Variants in PIGK observed in about 807,000 individuals in gnomAD.
PIGK encodes GPI-anchor transamidase.
PIGK carries 42 observed loss-of-function variants against 50.6 expected under a neutral mutation model. That is an observed-to-expected ratio of 0.83 (90% CI 0.65 to 1.07). The LOEUF (loss-of-function observed/expected upper bound fraction) is 1.07. PIGK is among the 50% of genes least tolerant of loss of function. The pLI, the probability that PIGK is intolerant of heterozygous loss-of-function variation, is 0.00. For missense variants in PIGK, 448 were observed against 488.7 expected (o/e 0.92, Z 0.78); for synonymous variants, 151 against 156.0 (o/e 0.97, Z 0.24).
At chr1:77,197,806 T>C (rs1007406975) in intron 3 of PIGK, among the ~76,000 whole-genome samples, 2 of 152,176 alleles carry the variant, frequency 1.3e-5, no homozygotes, top group Non-Finnish European at 1.5e-5. Flanking sequence ...TATTCTTATG[T>C]TTACACAATC....
At chr1:77,186,142 A>T (rs1258029613) in intron 3 of PIGK, among the ~76,000 whole-genome samples, 3 of 152,070 alleles carry the variant, frequency 2.0e-5, no homozygotes, top group Non-Finnish European at 4.4e-5. Context: ...TATGGTCTCC[A>T]CTCTTGCCAC....
intron 9 of PIGK, among the ~76,000 whole-genome samples, chr1:77,124,091 T>C (rs1282031731): frequency 6.6e-6 from 1 of 152,124 alleles, no homozygotes; most frequent in Non-Finnish European, 1.5e-5. Flanking sequence ...GCTGACATCA[T>C]CTAGCCTCCA....
intron 3 of PIGK, among the ~76,000 whole-genome samples, chr1:77,191,005 C>A (rs1557819470): frequency 6.6e-6 from 1 of 152,310 alleles, no homozygotes; most frequent in East Asian, 1.9e-4. Flanking sequence ...AAAATCAGTA[C>A]AGCGTTGACA....
intron 3 of PIGK, among the ~76,000 whole-genome samples, chr1:77,203,945 T>C (rs1177843149): frequency 6.6e-6 from 1 of 152,200 alleles, no homozygotes; most frequent in African/African-American, 2.4e-5. Context: ...ATGATTGTGC[T>C]ATCTGCACAA....
chr1:77,197,137 CAGG>C (rs910505974), intron 3 of PIGK, among the ~76,000 whole-genome samples: 14 of 152,060 alleles, frequency 9.2e-5, no homozygotes, highest in African/African-American at 3.4e-4. Context: ...TAGGCTGATT[CAGG>C]AGATTATATA....
chr1:77,184,293 A>G (rs1266316), intron 3 of PIGK, among the ~76,000 whole-genome samples: 26,572 of 152,034 alleles, frequency 0.17, 3,973 homozygotes, highest in African/African-American at 0.41. Context: ...TCAAATGGAC[A>G]AAAGACTGAT....
At chr1:77,174,482 G>A (rs927608866) in intron 3 of PIGK, among the ~76,000 whole-genome samples, 14 of 152,236 alleles carry the variant, frequency 9.2e-5, no homozygotes, top group South Asian at 2.1e-4. Flanking sequence ...TGATGTTTCC[G>A]ACTTTGGGGA....
In PIGK at chr1:77,161,713, T is replaced by A; in HGVS notation, c.585-2A>T. 8.0e-7 allele frequency: 1 copy of A among 1,245,268 alleles called. No homozygotes were observed. Among genetic ancestry groups the A allele is most frequent in the Non-Finnish European group, 1.2e-6 (1 of 845,798 alleles). 77.1% of individuals were successfully genotyped at this position (1,245,268 alleles called of 1,614,324 possible). The stretch of plus-strand genomic sequence containing the variant: ...ATAATAAACAGTAGCTCATTGTAGC[T>A]GAAAGAAAAATGATAACATCTTTGA... On this transcript the variant is annotated splice_acceptor_variant, in intron 6 of 10. Coordinates refer to ENST00000370812, the MANE Select transcript of PIGK (RefSeq NM_005482.3). LOFTEE classifies it high-confidence loss of function.
chr1:77,159,340 A>C (rs996182160), intron 8 of PIGK, among the ~76,000 whole-genome samples: 2 of 152,160 alleles, frequency 1.3e-5, no homozygotes, highest in Non-Finnish European at 2.9e-5. Context: ...CTGCAGGGGC[A>C]GGCCCTCATG....
chr1:77,152,451 T>C (rs925034093), intron 9 of PIGK, among the ~76,000 whole-genome samples: 1 of 152,002 alleles, frequency 6.6e-6, no homozygotes, highest in African/African-American at 2.4e-5. Flanking sequence ...CAGAAATTTT[T>C]TAGGTAAAAC....
At chr1:77,153,179 C>G (rs1036131265) in intron 9 of PIGK, among the ~76,000 whole-genome samples, 8 of 151,896 alleles carry the variant, frequency 5.3e-5, no homozygotes, top group African/African-American at 1.9e-4. Context: ...TATTCAGCCA[C>G]AAAAAAGAAT....
intron 3 of PIGK, among the ~76,000 whole-genome samples, chr1:77,180,485 C>T (rs1655586437): frequency 6.6e-6 from 1 of 151,922 alleles, no homozygotes; most frequent in Non-Finnish European, 1.5e-5. Flanking sequence ...AAGTGTGAAC[C>T]CCCAAAATAT....
chr1:77,132,263 C>G (rs1460836567), intron 9 of PIGK, among the ~76,000 whole-genome samples: 1 of 151,874 alleles, frequency 6.6e-6, no homozygotes, highest in Non-Finnish European at 1.5e-5. Flanking sequence ...AGTGATATAG[C>G]TGGATTTACA....
chr1:77,132,476 A>G (rs891979923), intron 9 of PIGK, among the ~76,000 whole-genome samples: 1 of 151,966 alleles, frequency 6.6e-6, no homozygotes, highest in African/African-American at 2.4e-5. Flanking sequence ...CCATTTCTTC[A>G]ATAATAGTAG....
At chr1:77,170,847 G>C (rs531707751) in intron 3 of PIGK, among the ~76,000 whole-genome samples, 4 of 152,136 alleles carry the variant, frequency 2.6e-5, no homozygotes, top group Non-Finnish European at 5.9e-5. Context: ...ACAGCAAGAA[G>C]AAAATGTTCT....
intron 2 of PIGK, among the ~76,000 whole-genome samples, chr1:77,208,046 A>T (rs1034099464): frequency 1.3e-5 from 2 of 151,354 alleles, no homozygotes; most frequent in East Asian, 1.9e-4. Flanking sequence ...ACACAATGAG[A>T]CCCCCATCTC....
chr1:77,097,567 A>G (rs1009259547), intron 10 of PIGK, among the ~76,000 whole-genome samples: 1 of 145,912 alleles, frequency 6.9e-6, no homozygotes, highest in Non-Finnish European at 1.6e-5. Flanking sequence ...TTTAATTGAA[A>G]GATGACCACA....
chr1:77,129,070 A>T, intron 9 of PIGK: 1 of 813,700 alleles, frequency 1.2e-6, no homozygotes, highest in Non-Finnish European at 2.2e-6. Flanking sequence ...TTAAATATTT[A>T]CTATCTAGCT....
chr1:77,123,637 G>A (rs980541306), intron 9 of PIGK, among the ~76,000 whole-genome samples: 1 of 152,014 alleles, frequency 6.6e-6, no homozygotes, highest in Non-Finnish European at 1.5e-5. Flanking sequence ...CTGGGAGGAG[G>A]GGACACTGGG....
Sources: gnomAD v4.1 joint callset for allele counts (sites outside exome capture counted in the v4.1 genomes callset) on GRCh38, gnomAD v4.1.1 for gene constraint, MANE v1.5 for transcripts, NCBI Gene and HGNC (gene_info 2026-07-23, HGNC 2026-07-21) for gene names.